The following ASTN2 variants were observed in gnomAD, a reference collection of about 807,000 sequenced individuals.
The protein encoded by ASTN2 is astrotactin-2.
Under a neutral mutation model 139.8 loss-of-function variants are expected in ASTN2, and 54 were observed. The observed-to-expected ratio is 0.39, with a 90% CI of 0.31 to 0.48. The LOEUF is 0.48. Among genes scored for constraint, ASTN2 ranks in the 20% least tolerant of loss-of-function variants. The probability of loss-of-function intolerance (pLI) is 0.95; values close to 1 mark genes in which losing one functional copy is unlikely to be tolerated. For missense variants in ASTN2, 1,565 were observed against 1,725.1 expected (o/e 0.91, Z 1.64); for synonymous variants, 756 against 719.5 (o/e 1.05, Z -0.81).
intron 19 of ASTN2, among the ~76,000 whole-genome samples, chr9:116,498,310 G>A (rs1849734602): frequency 6.6e-6 from 1 of 152,122 alleles, no homozygotes; most frequent in African/African-American, 2.4e-5. Flanking sequence ...GCCAGGCACA[G>A]TGAGTGTCCC....
chr9:116,644,800 G>A (rs1470588585), intron 17 of ASTN2, among the ~76,000 whole-genome samples: 2 of 152,124 alleles, frequency 1.3e-5, no homozygotes, highest in African/African-American at 2.4e-5. Flanking sequence ...CAAATTTCAG[G>A]TCACAGGATG....
chr9:116,929,292 T>C (rs1272272633), intron 10 of ASTN2, among the ~76,000 whole-genome samples: 2 of 152,154 alleles, frequency 1.3e-5, no homozygotes, highest in South Asian at 2.1e-4. Flanking sequence ...TGCCACTGAC[T>C]AGTGTAGCAG....
At chr9:117,307,037 A>G (rs775082961) in intron 1 of ASTN2, among the ~76,000 whole-genome samples, 13 of 152,192 alleles carry the variant, frequency 8.5e-5, no homozygotes, top group Non-Finnish European at 1.8e-4. Context: ...GCGTATATAC[A>G]TTCAATCAGG....
chr9:117,370,507 T>C (rs926289516), intron 1 of ASTN2, among the ~76,000 whole-genome samples: 1 of 152,098 alleles, frequency 6.6e-6, no homozygotes, highest in African/African-American at 2.4e-5. Context: ...AAAGAACATG[T>C]TACAGTTTAG....
intron 11 of ASTN2, among the ~76,000 whole-genome samples, chr9:116,859,499 T>C (rs1832823063): frequency 6.6e-6 from 1 of 152,220 alleles, no homozygotes; most frequent in South Asian, 2.1e-4. Flanking sequence ...TAATCATCAT[T>C]ATAATGACAA....
intron 10 of ASTN2, among the ~76,000 whole-genome samples, chr9:116,906,523 G>A (rs1178024349): frequency 4.6e-5 from 7 of 151,992 alleles, no homozygotes; most frequent in Non-Finnish European, 7.4e-5. Context: ...TCTTCCCAAC[G>A]CCCATGGAAT....
chr9:116,916,763 C>T (rs947678303), intron 10 of ASTN2, among the ~76,000 whole-genome samples: 2 of 152,064 alleles, frequency 1.3e-5, no homozygotes, highest in African/African-American at 4.8e-5. Flanking sequence ...GCCTGGGAGG[C>T]AGAGGTCGCA....
At chr9:116,915,531 G>C (rs1204546231) in intron 10 of ASTN2, among the ~76,000 whole-genome samples, 2 of 152,172 alleles carry the variant, frequency 1.3e-5, no homozygotes, top group Non-Finnish European at 2.9e-5. Context: ...GCCATGATTA[G>C]AAACTTGGAA....
intron 7 of ASTN2, among the ~76,000 whole-genome samples, chr9:116,979,491 G>A (rs371162379): frequency 2.0e-5 from 3 of 152,152 alleles, no homozygotes; most frequent in Admixed American, 6.5e-5. Flanking sequence ...AGCCTTGAAT[G>A]TGGATGTAAA....
chr9:116,959,788 C>T (rs1835825952), intron 10 of ASTN2, among the ~76,000 whole-genome samples: 1 of 152,076 alleles, frequency 6.6e-6, no homozygotes, highest in South Asian at 2.1e-4. Context: ...AACCTGTTGG[C>T]TGGGGATGGG....
At chr9:117,324,826 A>G (rs1828458725) in intron 1 of ASTN2, among the ~76,000 whole-genome samples, 1 of 152,172 alleles carries the variant, frequency 6.6e-6, no homozygotes, top group Non-Finnish European at 1.5e-5. Context: ...ATCCATGGGT[A>G]GCCACTGCAG....
chr9:116,725,687 T>C, intron 16 of ASTN2, 84 bp downstream of exon 16: 1 of 1,400,782 alleles, frequency 7.1e-7, no homozygotes, highest in Non-Finnish European at 9.7e-7. Flanking sequence ...AGGATTTAGA[T>C]CCAAGGCAGC....
intron 7 of ASTN2, among the ~76,000 whole-genome samples, chr9:116,985,069 T>C (rs1343646126): frequency 3.9e-5 from 6 of 152,184 alleles, no homozygotes; most frequent in African/African-American, 1.4e-4. Context: ...GCCAAATGTA[T>C]TGTGTGACCT....
At chr9:117,222,881 G>GAA (rs112879842) in intron 2 of ASTN2, among the ~76,000 whole-genome samples, 5 of 146,052 alleles carry the variant, frequency 3.4e-5, no homozygotes, top group East Asian at 2.0e-4. Flanking sequence ...GTGTACAGAT[G>GAA]AAAAAAAAAA....
chr9:117,071,194 G>A (rs1263509605), intron 5 of ASTN2, among the ~76,000 whole-genome samples: 13 of 151,558 alleles, frequency 8.6e-5, no homozygotes, highest in Admixed American at 2.6e-4. Context: ...TTTTTGGTGT[G>A]GATGTCCTTT....
chr9:116,463,469 C>T (rs971845269), intron 20 of ASTN2, among the ~76,000 whole-genome samples: 1 of 152,186 alleles, frequency 6.6e-6, no homozygotes, highest in African/African-American at 2.4e-5. Context: ...TTCAGCAATA[C>T]CAAACAACAT....
chr9:116,508,398 T>G (rs1850206521), intron 19 of ASTN2, among the ~76,000 whole-genome samples: 1 of 152,132 alleles, frequency 6.6e-6, no homozygotes, highest in Admixed American at 6.5e-5. Context: ...TATGCTCTGC[T>G]CACTCTTCTA....
chr9:116,536,013 C>G (rs1036475049), intron 19 of ASTN2, among the ~76,000 whole-genome samples: 1 of 152,172 alleles, frequency 6.6e-6, no homozygotes, highest in Non-Finnish European at 1.5e-5. Flanking sequence ...TAGGTTTGGT[C>G]TGTTCACATA....
intron 5 of ASTN2, among the ~76,000 whole-genome samples, chr9:117,057,056 C>G (rs1839084468): frequency 1.3e-5 from 2 of 152,124 alleles, no homozygotes; most frequent in South Asian, 4.1e-4. Context: ...ATTATCAGCT[C>G]TTTTTGTTGG....
Sources: gnomAD v4.1 joint callset for allele counts (sites outside exome capture counted in the v4.1 genomes callset) on GRCh38, gnomAD v4.1.1 for gene constraint, MANE v1.5 for transcripts, NCBI Gene and HGNC (gene_info 2026-07-23, HGNC 2026-07-21) for gene names.